Variants in ENTPD7 observed in about 807,000 individuals in gnomAD.
ENTPD7 encodes NTPDase 7.
ENTPD7 carries 53 observed loss-of-function variants against 77.9 expected under a neutral mutation model. That is an observed-to-expected ratio of 0.68 (90% CI 0.55 to 0.85). The LOEUF (loss-of-function observed/expected upper bound fraction) is 0.85. ENTPD7 is among the 40% of genes least tolerant of loss of function. The pLI is 0.00. For missense variants in ENTPD7, 636 were observed against 743.7 expected (o/e 0.86, Z 1.68); for synonymous variants, 248 against 274.9 (o/e 0.90, Z 0.97).
rs1037673510 is a variant in ENTPD7, at chr10:99,704,627, G to A, written c.1759G>A (p.Asp587Asn). Residue 587 changes from aspartate to asparagine, a missense_variant, in exon 13 of 13, where the codon GAC becomes AAC. Physicochemically the swap from Asp to Asn is conservative, Grantham distance 23 (BLOSUM62 1). Around this residue, in one of 3 missense-constraint regions of ENTPD7, gnomAD observed 138 missense variants for 150.9 expected, o/e 0.91. Coordinates refer to ENST00000370489, the MANE Select transcript of ENTPD7 (RefSeq NM_020354.5). ...ACAAACACGAGCCTCAGCTCCATTG[G>A]ACTTGCTGTGGCTTGAAGAGGTGGT... The part of the protein sequence containing the change: ...HRQTRASAPL[D>N]LLWLEEVVPM... The A allele has an allele frequency of 1.2e-6, 2 of 1,614,018 alleles. No homozygotes were observed. Among genetic ancestry groups the A allele is most frequent in the African/African-American group, 2.7e-5 (2 of 74,916 alleles).
intron 3 of ENTPD7, among the ~76,000 whole-genome samples, chr10:99,671,592 T>C (rs2035619692): frequency 6.6e-6 from 1 of 152,236 alleles, no homozygotes; most frequent in African/African-American, 2.4e-5. Flanking sequence ...AACGTCATTA[T>C]GCAGTGCGTG....
In ENTPD7 at chr10:99,708,083, C is replaced by T. The variant is rs147917263; in HGVS notation, c.*3400C>T. 6.6e-6 allele frequency among the ~76,000 whole-genome samples: 1 copy of T among 152,244 alleles called. No homozygotes were observed. Among genetic ancestry groups the T allele is most frequent in the East Asian group, 1.9e-4 (1 of 5,180 alleles). Reference sequence around the variant, plus strand: ...TCCCTGCTCTAGTAGTCCACAGTGTCTATTCTGGTCTGGGAAATTTTCATC... The same window carrying T: ...TCCCTGCTCTAGTAGTCCACAGTGTTTATTCTGGTCTGGGAAATTTTCATC... On this transcript the variant is annotated 3_prime_UTR_variant, in exon 13 of 13. Transcript: ENST00000370489.
intron 8 of ENTPD7, among the ~76,000 whole-genome samples, chr10:99,693,621 G>T (rs1211019774): frequency 6.6e-6 from 1 of 152,116 alleles, no homozygotes; most frequent in Non-Finnish European, 1.5e-5. Context: ...CAACAAATTA[G>T]ATTTACATAT....
chr10:99,696,469 G>A (rs992027282), intron 9 of ENTPD7, among the ~76,000 whole-genome samples: 1 of 152,230 alleles, frequency 6.6e-6, no homozygotes. Flanking sequence ...CTTCTGCATG[G>A]AAGTGTTCAA....
In ENTPD7 at chr10:99,702,515, T is replaced by G; in HGVS notation, c.1425T>G (p.Tyr475Ter). ...SSHADEHRLK[Y>*]QCFKSAWMYQ... ...TTTAATTATTTTTGTCACACAGATA[T>G]CAGTGTTTTAAATCGGCTTGGATGT... The change falls in exon 12 of 13, where the codon TAT becomes TAG. Residue 475 changes from tyrosine (Y) to a stop codon, truncating the protein, a stop_gained. Coordinates refer to ENST00000370489, the MANE Select transcript of ENTPD7 (RefSeq NM_020354.5). LOFTEE classifies it high-confidence loss of function. 6.4e-7 allele frequency: 1 copy of G among 1,565,090 alleles called. No individual in the cohort carries two copies. Among genetic ancestry groups the G allele is most frequent in the Non-Finnish European group, 8.6e-7 (1 of 1,158,550 alleles).
Position 99,698,643 on chromosome 10 carries a change from C to T in ENTPD7, c.1120C>T (p.Arg374Ter), listed in dbSNP as rs768250675. The part of the protein sequence containing the change: ...VERNSQVLHV[R>*]GRGDWVSCGA... ...GAGGAACAGCCAAGTCTTACATGTC[C>T]GAGGAAGAGGAGACTGGGTGTCTTG... Residue 374 changes from arginine (R) to a stop codon, truncating the protein, a stop_gained, in exon 10 of 13, where the codon CGA (arginine) becomes TGA (stop). Transcript: ENST00000370489. LOFTEE classifies it high-confidence loss of function. The T allele has an allele frequency of 9.3e-6, 15 of 1,614,024 alleles. No homozygotes were observed. Among genetic ancestry groups the T allele is most frequent in the East Asian group, 4.5e-5 (2 of 44,888 alleles).
intron 3 of ENTPD7, among the ~76,000 whole-genome samples, chr10:99,665,225 C>G (rs2035534079): frequency 6.7e-6 from 1 of 149,836 alleles, no homozygotes; most frequent in African/African-American, 2.5e-5. Context: ...TGTACTCCAG[C>G]CTGGGGGACA....
At position 99,701,052 on chromosome 10, in the gene ENTPD7, G is replaced by T. The variant is rs1197367688; in HGVS notation, c.1415G>T (p.Arg472Leu). Residue 472 changes from arginine to leucine, a missense_variant, in exon 11 of 13, where the codon CGA becomes CTA. Around this residue, in one of 3 missense-constraint regions of ENTPD7, gnomAD observed 12 missense variants for 36.3 expected, o/e 0.33. Transcript: ENST00000370489. ...GLFSSHADEH[R>L]LKYQCFKSAW... ...TTTTCATCACATGCAGATGAGCATC[G>T]ACTCAAGTAAGTTACTTCCCTTTCC... The T allele has an allele frequency of 6.2e-7, 1 of 1,613,554 alleles. No individual in the cohort carries two copies. The highest frequency in any genetic ancestry group is 1.7e-5 in the Admixed American group (1 of 59,990).
At chr10:99,661,042 C>G (rs546392720) in intron 2 of ENTPD7, among the ~76,000 whole-genome samples, 1 of 152,240 alleles carries the variant, frequency 6.6e-6, no homozygotes, top group African/African-American at 2.4e-5. Context: ...TTGTCTTTTA[C>G]TATGTGCTTG....
chr10:99,693,504 C>A (rs2013269), intron 8 of ENTPD7, among the ~76,000 whole-genome samples: 1 of 152,142 alleles, frequency 6.6e-6, no homozygotes, highest in East Asian at 1.9e-4. Context: ...AGGTGACAAG[C>A]GGGACTGGGG....
At position 99,709,296 on chromosome 10, in the gene ENTPD7, A is replaced by T. The variant is rs2036312764; in HGVS notation, c.*4613A>T. The stretch of plus-strand genomic sequence containing the variant: ...AAACTTTTCAAATTAATTCAAAACT[A>T]GTATCTAATTGTCCTTTTTGCTGTG... On this transcript the variant is annotated 3_prime_UTR_variant, in exon 13 of 13. Coordinates refer to ENST00000370489, the MANE Select transcript of ENTPD7 (RefSeq NM_020354.5). 1.0e-6 allele frequency: 1 copy of T among 985,246 alleles called. No homozygotes were observed. Among genetic ancestry groups the T allele is most frequent in the Non-Finnish European group, 1.2e-6 (1 of 829,906 alleles). 61.0% of individuals were successfully genotyped at this position (985,246 alleles called of 1,614,324 possible).
At chr10:99,695,191 C>A (rs2035950284) in intron 8 of ENTPD7, among the ~76,000 whole-genome samples, 1 of 152,122 alleles carries the variant, frequency 6.6e-6, no homozygotes, top group Non-Finnish European at 1.5e-5. Context: ...AATCCCCAAA[C>A]CTGTCATAAG....
rs2133502036 is a variant in ENTPD7 at position 99,698,475 on chromosome 10, C to T, written c.1011-59C>T. ...TCTGATGCACATTGTGTTTCTTAGA[C>T]TAGGTTGAATACAGGCATGACGTGT... On this transcript the variant is annotated intron_variant, in intron 9 of 12. Transcript: ENST00000370489. The T allele has an allele frequency of 2.0e-6, 3 of 1,509,112 alleles. No individual in the cohort carries two copies. The Admixed American group carries it at 5.6e-5, about 28-fold the overall frequency. The allele number at this position is 1,509,112 out of a possible 1,614,324, so 93.5% of individuals were successfully genotyped here.
At chr10:99,668,084 A>G (rs2035573775) in intron 3 of ENTPD7, among the ~76,000 whole-genome samples, 1 of 151,508 alleles carries the variant, frequency 6.6e-6, no homozygotes, top group East Asian at 1.9e-4. Flanking sequence ...ACAGGTGCGC[A>G]CCACCATGCC....
In ENTPD7 at chr10:99,678,632, C is replaced by G. The variant is rs12248456; in HGVS notation, c.192-629C>G. 3.2e-3 allele frequency among the ~76,000 whole-genome samples: 490 copies of G among 151,030 alleles called. 3 individuals carry two copies. Among genetic ancestry groups the G allele is most frequent in the African/African-American group, 0.011 (468 of 41,132 alleles). ...CCAATCAAAAATATCACCACCCAGG[C>G]GAGGTGCAGTGGCTCATGCCTGTAA... is the stretch of plus-strand genomic sequence containing the variant. On this transcript the variant is annotated intron_variant, in intron 3 of 12. Transcript: ENST00000370489.
rs552383025 is a variant in ENTPD7, at chr10:99,710,420, G to A, written c.*5737G>A. On this transcript the variant is annotated 3_prime_UTR_variant, in exon 13 of 13. Transcript: ENST00000370489. ...CCTTGATCAATGGCCTCTGCGGAGT[G>A]TAGTGAAAGACATCTTTTTATTATG... 125 of 978,880 alleles carry A rather than the reference G, an allele frequency of 1.3e-4. No individual in the cohort carries two copies. Among genetic ancestry groups the A allele is most frequent in the Middle Eastern group, 5.3e-4 (1 of 1,898 alleles). The allele number at this position is 978,880 out of a possible 1,614,324, so 60.6% of individuals were successfully genotyped here.
In ENTPD7 at chr10:99,709,000, A is replaced by G. The variant is rs1411135838; in HGVS notation, c.*4317A>G. 1.0e-6 allele frequency: 1 copy of G among 985,330 alleles called. No individual in the cohort carries two copies. The highest frequency in any genetic ancestry group is 6.1e-5 in the Admixed American group (1 of 16,272). 61.0% of individuals were successfully genotyped at this position (985,330 alleles called of 1,614,324 possible). ...CACATTTAGGAATAAACTTTGAAAA[A>G]AATACTTTGTCAGAAATAGTGCCAA... On this transcript the variant is annotated 3_prime_UTR_variant, in exon 13 of 13. Transcript: ENST00000370489.
rs2036304842 is a variant in ENTPD7, at chr10:99,708,958, T to C, written c.*4275T>C. On this transcript the variant is annotated 3_prime_UTR_variant, in exon 13 of 13. Coordinates refer to ENST00000370489, the MANE Select transcript of ENTPD7 (RefSeq NM_020354.5). ...TCTTTACAACTGCTTCTGACATTCATTTATGACTGCTTTGCTCACATTTAG... is the reference window on the plus strand; with the variant it reads ...TCTTTACAACTGCTTCTGACATTCACTTATGACTGCTTTGCTCACATTTAG... 1.0e-6 allele frequency: 1 copy of C among 985,450 alleles called. No individual in the cohort carries two copies. Among genetic ancestry groups the C allele is most frequent in the Non-Finnish European group, 1.2e-6 (1 of 829,928 alleles). The allele number at this position is 985,450 out of a possible 1,614,324, so 61.0% of individuals were successfully genotyped here. A position where few individuals can be genotyped will look rare whatever the true frequency, so the allele number is the denominator to read the frequency against.
chr10:99,660,526 G>GCACACACACACA (rs68112730), intron 2 of ENTPD7: 4 of 283,330 alleles, frequency 1.4e-5, no homozygotes, highest in East Asian at 1.2e-4. Flanking sequence ...GAATGGATAC[G>GCACACACACACA]CACACACACA....
Sources: allele counts gnomAD v4.1 joint callset (sites outside exome capture counted in the v4.1 genomes callset), GRCh38; gene constraint gnomAD v4.1.1; regional missense constraint gnomAD v4.1.1; transcripts MANE v1.5; gene names NCBI Gene and HGNC (gene_info 2026-07-23, HGNC 2026-07-21).